SLC38A1: variants seen among roughly 807,000 people sequenced by gnomAD.
The protein encoded by SLC38A1 is solute carrier family 38 member 1.
Under a neutral mutation model 60.3 loss-of-function variants are expected in SLC38A1, and 18 were observed. That is an observed-to-expected ratio of 0.30 (90% CI 0.21 to 0.44). The LOEUF (loss-of-function observed/expected upper bound fraction) is 0.44, where lower values mean the gene tolerates loss of function less well. Ranked by LOEUF, SLC38A1 falls within the 20% of genes least tolerant of loss-of-function variation. The pLI, the probability that SLC38A1 is intolerant of heterozygous loss-of-function variation, is 1.00. For synonymous variants in SLC38A1, 196 were observed against 212.1 expected (o/e 0.92, Z 0.66); for missense variants, 448 against 587.2 (o/e 0.76, Z 2.45).
intron 3 of SLC38A1, among the ~76,000 whole-genome samples, chr12:46,236,798 A>G (rs56294018): frequency 0.049 from 7,496 of 152,276 alleles, 273 homozygotes; most frequent in Non-Finnish European, 0.078. Flanking sequence ...TCACCTGGGA[A>G]TTTGCTAGGA....
In SLC38A1 at chr12:46,239,703, TC is replaced by T. The variant is rs1420194323; in HGVS notation, c.97del (p.Glu33LysfsTer2). ...NISNDSNDFT[E>X]VENGQINSKF... ...CCTATTTATCTGACCATTTTCTACT[TC>T]GGTGAAATCATTGGAGTCATTGCTA... On this transcript the variant is annotated frameshift_variant, in exon 3 of 17. Transcript: ENST00000398637. LOFTEE classifies it high-confidence loss of function. 1 of 1,613,670 alleles carries T rather than the reference TC, an allele frequency of 6.2e-7. No individual in the cohort carries two copies. Among genetic ancestry groups the T allele is most frequent in the Non-Finnish European group, 8.5e-7 (1 of 1,179,952 alleles).
intron 1 of SLC38A1, among the ~76,000 whole-genome samples, chr12:46,245,825 C>G (rs149711748): frequency 7.2e-5 from 11 of 152,274 alleles, no homozygotes; most frequent in African/African-American, 2.6e-4. Context: ...CTACCACCCC[C>G]AAATGGGCCA....
At chr12:46,244,090 A>G (rs187095453) in intron 1 of SLC38A1, among the ~76,000 whole-genome samples, 2 of 152,340 alleles carry the variant, frequency 1.3e-5, no homozygotes, top group East Asian at 3.9e-4. Context: ...TACATGGCAG[A>G]ACGAAGAATA....
At chr12:46,232,248 G>A (rs1218575875) in intron 3 of SLC38A1, among the ~76,000 whole-genome samples, 1 of 152,158 alleles carries the variant, frequency 6.6e-6, no homozygotes, top group Non-Finnish European at 1.5e-5. Flanking sequence ...TTCGGACAAG[G>A]AGAGACCATA....
intron 16 of SLC38A1, among the ~76,000 whole-genome samples, chr12:46,191,371 G>A (rs555832942): frequency 2.0e-5 from 3 of 152,180 alleles, no homozygotes; most frequent in Non-Finnish European, 4.4e-5. Context: ...GTAGCATGAT[G>A]CCTCCAGCTT....
Position 46,220,147 on chromosome 12 carries a change from A to G in SLC38A1, c.314+9006T>C, listed in dbSNP as rs571753642. ...AAAATAGGCACTCATTGTTAACGCAATGCTAACCACTTTCCCATTTCCCTA... is the reference window on the plus strand; with the variant it reads ...AAAATAGGCACTCATTGTTAACGCAGTGCTAACCACTTTCCCATTTCCCTA... On this transcript the variant is annotated intron_variant, in intron 5 of 16. Transcript: ENST00000398637. Among the ~76,000 whole-genome samples the G allele has an allele frequency of 5.1e-4, 78 of 152,324 alleles. No homozygotes were observed. The Middle Eastern group carries it at 0.01, about 20-fold the overall frequency.
chr12:46,209,197 G>A, intron 5 of SLC38A1, 70 bp from the exon 6 acceptor site: 4 of 1,107,256 alleles, frequency 3.6e-6, no homozygotes, highest in Non-Finnish European at 5.4e-6. Context: ...CAGTTTAGAA[G>A]GGCAAAGGTT....
At chr12:46,217,121 C>T (rs1940448782) in intron 5 of SLC38A1, among the ~76,000 whole-genome samples, 1 of 152,114 alleles carries the variant, frequency 6.6e-6, no homozygotes. Context: ...ATATCAGGCC[C>T]TTTCTAAGCA....
At chr12:46,224,090 C>A (rs1233363374) in intron 5 of SLC38A1, among the ~76,000 whole-genome samples, 2 of 152,114 alleles carry the variant, frequency 1.3e-5, no homozygotes, top group Non-Finnish European at 2.9e-5. Context: ...GGGTAAGACT[C>A]AGATAAAGAG....
rs1938957098 is a variant in SLC38A1, at chr12:46,186,894, A to G, written c.*2076T>C. 1 of 152,222 alleles carries G rather than the reference A, an allele frequency of 6.6e-6. No homozygotes were observed. The highest frequency in any genetic ancestry group is 2.4e-5 in the African/African-American group (1 of 41,466). The allele number at this position is 152,222 out of a possible 1,614,324, so 9.4% of individuals were successfully genotyped here. ...AACTAAATTATGTATTTTTAAAGGT[A>G]CAGTCATCCCACTACCTGGCTATTT... is the stretch of plus-strand genomic sequence containing the variant. On this transcript the variant is annotated 3_prime_UTR_variant, in exon 17 of 17. Coordinates refer to ENST00000398637, the MANE Select transcript of SLC38A1 (RefSeq NM_030674.4).
intron 5 of SLC38A1, among the ~76,000 whole-genome samples, chr12:46,228,561 T>C (rs1238749017): frequency 6.6e-6 from 1 of 152,204 alleles, no homozygotes; most frequent in Non-Finnish European, 1.5e-5. Context: ...TCTCTTAATC[T>C]TGTTCCAACT....
intron 3 of SLC38A1, among the ~76,000 whole-genome samples, chr12:46,233,326 A>C (rs1231378806): frequency 6.6e-6 from 1 of 152,164 alleles, no homozygotes; most frequent in Non-Finnish European, 1.5e-5. Context: ...GCTTGACCTA[A>C]TCTGGCTAAT....
At chr12:46,196,097 G>GA in intron 16 of SLC38A1, 1 of 1,518,730 alleles carries the variant, frequency 6.6e-7, no homozygotes, top group South Asian at 1.2e-5. Flanking sequence ...GCAACCTCAG[G>GA]TATTTCTTTA....
intron 3 of SLC38A1, among the ~76,000 whole-genome samples, chr12:46,238,386 C>G (rs1941329897): frequency 6.6e-6 from 1 of 152,138 alleles, no homozygotes; most frequent in Non-Finnish European, 1.5e-5. Context: ...TAGCTAAATC[C>G]TATGCTGGGC....
rs1307418560 is a variant in SLC38A1 at position 46,192,911 on chromosome 12, G to GTT, written c.1363-3842_1363-3841dup. 3.9e-5 allele frequency among the ~76,000 whole-genome samples: 6 copies of GTT among 151,932 alleles called. No homozygotes were observed. The South Asian group carries it at 6.2e-4, about 16-fold the overall frequency. On this transcript the variant is annotated intron_variant, in intron 16 of 16. Coordinates refer to ENST00000398637, the MANE Select transcript of SLC38A1 (RefSeq NM_030674.4). ...CCTGGATTCATTGATTTTTTGAAGG[G>GTT]TTTTTGTATCTCTATCTCCTTCAAT... is the stretch of plus-strand genomic sequence containing the variant.
chr12:46,245,208 A>C (rs1457251284), intron 1 of SLC38A1, among the ~76,000 whole-genome samples: 1 of 152,190 alleles, frequency 6.6e-6, no homozygotes, highest in Non-Finnish European at 1.5e-5. Context: ...ATGAATCATC[A>C]TTGGTTTTTT....
At chr12:46,241,320 C>T (rs1229715056) in intron 2 of SLC38A1, among the ~76,000 whole-genome samples, 1 of 152,092 alleles carries the variant, frequency 6.6e-6, no homozygotes, top group Non-Finnish European at 1.5e-5. Context: ...TTTTGAAGAC[C>T]CACAGAAAGT....
chr12:46,256,636 C>CAGAGAGAGAGAGAG (rs1555192390), intron 1 of SLC38A1, among the ~76,000 whole-genome samples: 23,749 of 122,786 alleles, frequency 0.19, 2,734 homozygotes, highest in East Asian at 0.32. Context: ...CACACACACA[C>CAGAGAGAGAGAGAG]AGAGAGAGAG....
intron 3 of SLC38A1, among the ~76,000 whole-genome samples, chr12:46,233,295 A>G (rs1285302993): frequency 6.6e-6 from 1 of 152,130 alleles, no homozygotes; most frequent in Non-Finnish European, 1.5e-5. Flanking sequence ...AAGTACTGGG[A>G]TTACAGGTGT....
Sources: allele counts gnomAD v4.1 joint callset (sites outside exome capture counted in the v4.1 genomes callset), GRCh38; gene constraint gnomAD v4.1.1; transcripts MANE v1.5; gene names NCBI Gene and HGNC (gene_info 2026-07-23, HGNC 2026-07-21).